CD1B: variants seen among roughly 807,000 people sequenced by gnomAD.
The protein encoded by CD1B is CD1b molecule.
Under a neutral mutation model 39.8 loss-of-function variants are expected in CD1B, and 43 were observed. That is an observed-to-expected ratio of 1.08 (90% CI 0.85 to 1.39). CD1B has a LOEUF of 1.39. CD1B is among the 40% of genes most tolerant of loss of function. CD1B has a pLI of 0.00. For synonymous variants in CD1B, 192 were observed against 152.5 expected, an observed-to-expected ratio of 1.26 and a Z score of -1.91; for missense variants, 495 against 403.8, an observed-to-expected ratio of 1.23 and a Z score of -1.94.
At position 158,329,964 on chromosome 1, in the gene CD1B, T is replaced by C; in HGVS notation, c.495A>G (p.Leu165=). 6.2e-7 allele frequency: 1 copy of C among 1,614,000 alleles called. No homozygotes were observed. ...CCATGATACCTTGATATTGTATGAT[T>C]AGTGCACAGAATTTCTGTGCCCTGC... ...GGSRAQKFCA[L]IIQYQGIMET... is the part of the protein sequence containing the mutation. Residue 165 remains leucine, a synonymous_variant, in exon 3 of 6, where the codon CTA becomes CTG. Transcript: ENST00000368168.
the CD1B span, among the ~76,000 whole-genome samples, chr1:158,286,896 T>G: frequency 5.3e-5 from 8 of 152,242 alleles, no homozygotes; most frequent in African/African-American, 1.9e-4. Flanking sequence ...TTTATCTCAC[T>G]GATAAATTCA....
the CD1B span, among the ~76,000 whole-genome samples, chr1:158,300,760 C>CTTT: frequency 6.7e-5 from 9 of 134,654 alleles, no homozygotes; most frequent in Admixed American, 1.5e-4. Context: ...CTCTCTCTCT[C>CTTT]TTTTTTTTTT....
At chr1:158,293,596 A>G in the CD1B span, 1 of 1,610,312 alleles carries the variant, frequency 6.2e-7, no homozygotes, top group Non-Finnish European at 8.5e-7. Flanking sequence ...TGCATAATAA[A>G]CATTTGTTAA....
the CD1B span, among the ~76,000 whole-genome samples, chr1:158,308,428 T>C: frequency 6.6e-6 from 1 of 152,194 alleles, no homozygotes; most frequent in East Asian, 1.9e-4. Flanking sequence ...GTAGATTCAA[T>C]GCCATCTCCA....
chr1:158,297,211 A>T, the CD1B span, among the ~76,000 whole-genome samples: 2 of 152,210 alleles, frequency 1.3e-5, no homozygotes, highest in South Asian at 4.1e-4. Flanking sequence ...GAGGAGGAGC[A>T]GGTCACCTAC....
intron 2 of CD1B, 46 bp downstream of exon 2, chr1:158,330,748 GAA>G (rs1557822733): frequency 1.9e-6 from 3 of 1,592,876 alleles, no homozygotes. Flanking sequence ...AAAAAAGAGA[GAA>G]AAGAGAGTCC....
chr1:158,300,760 C>CT, the CD1B span, among the ~76,000 whole-genome samples: 10,743 of 134,606 alleles, frequency 0.08, 933 homozygotes, highest in African/African-American at 0.18. Context: ...CTCTCTCTCT[C>CT]TTTTTTTTTT....
chr1:158,296,631 A>C, the CD1B span, among the ~76,000 whole-genome samples: 2 of 152,208 alleles, frequency 1.3e-5, no homozygotes, highest in African/African-American at 4.8e-5. Context: ...TAGATTTTAG[A>C]ATCTGGATGG....
chr1:158,307,465 C>A, the CD1B span, among the ~76,000 whole-genome samples: 1 of 152,056 alleles, frequency 6.6e-6, no homozygotes, highest in Non-Finnish European at 1.5e-5. Flanking sequence ...CAAAAAAAGT[C>A]CAGGACCCAA....
At chr1:158,320,085 T>G in the CD1B span, among the ~76,000 whole-genome samples, 1 of 152,266 alleles carries the variant, frequency 6.6e-6, no homozygotes, top group Non-Finnish European at 1.5e-5. Context: ...CAGGGACATT[T>G]AAGTCTGCAG....
At chr1:158,319,942 C>G in the CD1B span, among the ~76,000 whole-genome samples, 1 of 152,176 alleles carries the variant, frequency 6.6e-6, no homozygotes, top group South Asian at 2.1e-4. Flanking sequence ...CAGTGTGCCC[C>G]TGCTGGGGGG....
chr1:158,302,254 T>C, the CD1B span, among the ~76,000 whole-genome samples: 1 of 152,060 alleles, frequency 6.6e-6, no homozygotes, highest in Non-Finnish European at 1.5e-5. Context: ...AAAACAAAGA[T>C]ACTACATGCC....
At chr1:158,321,808 C>T in the CD1B span, among the ~76,000 whole-genome samples, 4 of 152,176 alleles carry the variant, frequency 2.6e-5, no homozygotes, top group East Asian at 7.7e-4. Context: ...GATGTATAGG[C>T]TTATTACATA....
At chr1:158,307,375 C>A in the CD1B span, among the ~76,000 whole-genome samples, 1 of 152,212 alleles carries the variant, frequency 6.6e-6, no homozygotes, top group South Asian at 2.1e-4. Flanking sequence ...CCCCCCAAGA[C>A]TAAATCAGGA....
rs924258397 is a variant in CD1B, at chr1:158,330,222, TAA to T, written c.329-94_329-93del. 31 of 1,178,836 alleles carry T rather than the reference TAA, an allele frequency of 2.6e-5. No homozygotes were observed. The Admixed American group carries it at 3.2e-4, about 12-fold the overall frequency. 73.0% of individuals were successfully genotyped at this position (1,178,836 alleles called of 1,614,324 possible). On this transcript the variant is annotated intron_variant, in intron 2 of 5. Coordinates refer to ENST00000368168, the MANE Select transcript of CD1B (RefSeq NM_001764.3). ...CTAGGATTTTAGATTTTGGTGGGGA[TAA>T]AGTTATTTGGTGTAAAATGATGATG...
chr1:158,327,577 T>C (rs567259260), downstream of CD1B, among the ~76,000 whole-genome samples: 20 of 152,162 alleles, frequency 1.3e-4, no homozygotes, highest in South Asian at 2.9e-3. Flanking sequence ...ACTGAGAAAA[T>C]GAATTTGCAG....
At chr1:158,291,181 G>T in the CD1B span, 2 of 1,608,806 alleles carry the variant, frequency 1.2e-6, no homozygotes, top group East Asian at 2.2e-5. Context: ...CTTCTCATTT[G>T]TCAACCAATC....
the CD1B span, among the ~76,000 whole-genome samples, chr1:158,309,673 C>G: frequency 6.6e-6 from 1 of 151,980 alleles, no homozygotes; most frequent in Non-Finnish European, 1.5e-5. Context: ...GAGTTCATGT[C>G]CTTTGTAGGG....
At chr1:158,307,052 C>T in the CD1B span, among the ~76,000 whole-genome samples, 2 of 152,132 alleles carry the variant, frequency 1.3e-5, no homozygotes, top group Non-Finnish European at 2.9e-5. Flanking sequence ...CATTCAAAAG[C>T]TAGCAGAAGG....
Sources: gnomAD v4.1 joint callset for allele counts (sites outside exome capture counted in the v4.1 genomes callset) on GRCh38, gnomAD v4.1.1 for gene constraint, MANE v1.5 for transcripts, NCBI Gene and HGNC (gene_info 2026-07-23, HGNC 2026-07-21) for gene names.